Variants in DZANK1 observed in about 807,000 individuals in gnomAD.
DZANK1 encodes the protein double zinc ribbon and ankyrin repeat domains 1.
A neutral mutation model predicts 94.5 loss-of-function variants in DZANK1; 91 were observed. The ratio of observed to expected loss-of-function variants is 0.96; its 90% CI spans 0.81 to 1.15. DZANK1 has a LOEUF of 1.15. Among genes scored for constraint, DZANK1 ranks in the 50% most tolerant of loss-of-function variants. The probability of loss-of-function intolerance (pLI) is 0.00; values close to 1 mark genes in which losing one functional copy is unlikely to be tolerated. For synonymous variants in DZANK1, 312 were observed against 325.3 expected (o/e 0.96, Z 0.44); for missense variants, 903 against 916.4 (o/e 0.99, Z 0.19).
At chr20:18,394,603 C>T (rs2056225279) in intron 15 of DZANK1, 2 of 655,600 alleles carry the variant, frequency 3.1e-6, no homozygotes, top group Non-Finnish European at 5.7e-6. Context: ...CCCCTCGTCT[C>T]ACATTGGGAC....
At chr20:18,393,933 T>C in intron 16 of DZANK1, 122 bp from the exon 17 acceptor site, 1 of 705,446 alleles carries the variant, frequency 1.4e-6, no homozygotes, top group East Asian at 2.7e-5. Context: ...TAGAAATTTC[T>C]ATTTGATTAA....
chr20:18,413,004 T>C (rs1382638808), intron 12 of DZANK1, 151 bp from the exon 13 acceptor site: 3 of 718,658 alleles, frequency 4.2e-6, no homozygotes, highest in Non-Finnish European at 6.8e-6. Context: ...TTGCCTCATC[T>C]TCCTTGCTCC....
intron 8 of DZANK1, among the ~76,000 whole-genome samples, chr20:18,438,721 A>C (rs1256479261): frequency 6.6e-6 from 1 of 152,224 alleles, no homozygotes; most frequent in Admixed American, 6.5e-5. Context: ...TAAACAACAC[A>C]AATTTATTTC....
intron 2 of DZANK1, among the ~76,000 whole-genome samples, chr20:18,463,825 A>T (rs1279880795): frequency 3.9e-5 from 6 of 152,186 alleles, no homozygotes. Context: ...CATAACATAA[A>T]TGCAGATAGT....
chr20:18,453,049 A>G (rs1182438570), intron 5 of DZANK1, among the ~76,000 whole-genome samples: 1 of 152,180 alleles, frequency 6.6e-6, no homozygotes, highest in Non-Finnish European at 1.5e-5. Flanking sequence ...CCAAGAGCAC[A>G]CTGCAGCTGT....
At chr20:18,427,709 C>A (rs903190316) in intron 9 of DZANK1, among the ~76,000 whole-genome samples, 7 of 151,604 alleles carry the variant, frequency 4.6e-5, no homozygotes, top group Non-Finnish European at 8.8e-5. Context: ...ACAGAAAGAC[C>A]CTAGACCAGC....
chr20:18,394,993 T>A (rs2056257366), intron 15 of DZANK1: 1 of 408,114 alleles, frequency 2.5e-6, no homozygotes, highest in Non-Finnish European at 5.0e-6. Context: ...CACCCTCACG[T>A]GGCTGCCTGC....
intron 1 of DZANK1, among the ~76,000 whole-genome samples, chr20:18,466,013 A>T (rs2059636885): frequency 6.6e-6 from 1 of 152,216 alleles, no homozygotes; most frequent in Non-Finnish European, 1.5e-5. Flanking sequence ...TGTATTTATA[A>T]ATCCTGGTAT....
At chr20:18,383,542 G>A (rs2048310150) in exon 21 of DZANK1, 1 of 152,220 alleles carries the variant, frequency 6.6e-6, no homozygotes, top group African/African-American at 2.4e-5. Flanking sequence ...ATACAGAACA[G>A]TGTGTGGTTG....
At chr20:18,399,735 C>T (rs923473848) in intron 13 of DZANK1, among the ~76,000 whole-genome samples, 9 of 152,194 alleles carry the variant, frequency 5.9e-5, no homozygotes, top group Admixed American at 1.3e-4. Flanking sequence ...CATATGCAGG[C>T]GGAAGACGCA....
intron 10 of DZANK1, chr20:18,420,217 G>A: frequency 4.8e-6 from 1 of 206,314 alleles, no homozygotes; most frequent in Non-Finnish European, 1.1e-5. Context: ...AACACTAGGT[G>A]GCAAGGAGGT....
intron 10 of DZANK1, among the ~76,000 whole-genome samples, chr20:18,425,328 G>A (rs758858351): frequency 7.2e-5 from 11 of 152,162 alleles, no homozygotes; most frequent in South Asian, 2.1e-4. Flanking sequence ...CGAGTTGGGC[G>A]GATCACGAGG....
At chr20:18,442,147 A>C (rs2058732937) in intron 8 of DZANK1, among the ~76,000 whole-genome samples, 1 of 152,248 alleles carries the variant, frequency 6.6e-6, no homozygotes, top group Admixed American at 6.5e-5. Flanking sequence ...ACTAATAGAA[A>C]TATAACTGGG....
chr20:18,397,663 T>C (rs146211981), intron 14 of DZANK1, among the ~76,000 whole-genome samples: 352 of 152,332 alleles, frequency 2.3e-3, no homozygotes, highest in Non-Finnish European at 3.1e-3. Flanking sequence ...ATAGCTTGTC[T>C]TTGCTCCACA....
chr20:18,442,292 A>G (rs1430489188), intron 8 of DZANK1, among the ~76,000 whole-genome samples: 3 of 152,156 alleles, frequency 2.0e-5, no homozygotes, highest in African/African-American at 4.8e-5. Context: ...TATCGCACCA[A>G]CTAGTATAAA....
rs1324809184 is a variant in DZANK1 at position 18,438,235 on chromosome 20, A to AAG, written c.748-4471_748-4470insCT. Among the ~76,000 whole-genome samples, 3 of 141,646 alleles carry AAG rather than the reference A, an allele frequency of 2.1e-5. No individual in the cohort carries two copies. In the Admixed American group the frequency reaches 2.2e-4, roughly 10 times the overall value. 92.9% of individuals were successfully genotyped at this position (141,646 alleles called of 152,430 possible). On this transcript the variant is annotated intron_variant, in intron 8 of 20. Transcript: ENST00000262547. The stretch of plus-strand genomic sequence containing the variant: ...CTCTGTCTCAAAAAAAAAAAAAAAA[A>AAG]AAAAGAAATAACACAAAAGAAAGCA...
rs1600708701 is a variant in DZANK1 at position 18,389,957 on chromosome 20, G to C, written c.1891-129C>G. On this transcript the variant is annotated intron_variant, in intron 18 of 20. Coordinates refer to ENST00000262547, the Ensembl canonical transcript of DZANK1. ...CAACTAAAGTGCTTTCAGATCAAAG[G>C]AGAGGAGAATCAGGAACCTCAAGAC... 6.9e-5 allele frequency: 98 copies of C among 1,410,120 alleles called. No individual in the cohort carries two copies. The South Asian group carries it at 1.3e-3, about 18-fold the overall frequency. 87.4% of individuals were successfully genotyped at this position (1,410,120 alleles called of 1,614,324 possible).
chr20:18,452,262 C>G (rs868530200), intron 6 of DZANK1, among the ~76,000 whole-genome samples: 3 of 152,150 alleles, frequency 2.0e-5, no homozygotes, highest in African/African-American at 4.8e-5. Context: ...GCTCATCAGG[C>G]CTGAGAATGT....
chr20:18,430,706 T>C (rs1174699483), intron 9 of DZANK1, among the ~76,000 whole-genome samples: 1 of 152,120 alleles, frequency 6.6e-6, no homozygotes, highest in African/African-American at 2.4e-5. Context: ...TCTCAGCTAC[T>C]TGGGGGCCTG....
Sources: allele counts gnomAD v4.1 joint callset (sites outside exome capture counted in the v4.1 genomes callset), GRCh38; gene constraint gnomAD v4.1.1; transcripts MANE v1.5; gene names NCBI Gene and HGNC (gene_info 2026-07-23, HGNC 2026-07-21).